The following PRR5L variants were observed in gnomAD, a reference collection of about 807,000 sequenced individuals.
The protein encoded by PRR5L is proline rich 5 like.
PRR5L carries 21 observed loss-of-function variants against 36.4 expected under a neutral mutation model. The observed-to-expected ratio is 0.58, with a 90% CI of 0.41 to 0.83. The LOEUF is 0.83. PRR5L is among the 40% of genes least tolerant of loss of function. The pLI is 0.00. For synonymous variants in PRR5L, 188 were observed against 197.0 expected, an observed-to-expected ratio of 0.95 and a Z score of 0.38; for missense variants, 381 against 473.3, an observed-to-expected ratio of 0.80 and a Z score of 1.81.
chr11:36,370,305 T>C (rs1488983313), intron 1 of PRR5L, among the ~76,000 whole-genome samples: 4 of 152,230 alleles, frequency 2.6e-5, no homozygotes, highest in Non-Finnish European at 5.9e-5. Context: ...AGTTATCTTC[T>C]ATGGAAGATC....
intron 1 of PRR5L, among the ~76,000 whole-genome samples, chr11:36,346,230 C>T (rs1250373264): frequency 6.6e-6 from 1 of 152,156 alleles, no homozygotes; most frequent in African/African-American, 2.4e-5. Context: ...CAGCCTCAGT[C>T]TCCTAAAGTG....
chr11:36,425,818 G>GA (rs5791106), intron 4 of PRR5L: 31,754 of 147,734 alleles, frequency 0.21, 3,433 homozygotes, highest in East Asian at 0.37. Flanking sequence ...AGTCATAGAG[G>GA]AAAAAAAAAA....
At chr11:36,309,118 G>A (rs889489955) in intron 1 of PRR5L, among the ~76,000 whole-genome samples, 3 of 152,216 alleles carry the variant, frequency 2.0e-5, no homozygotes, top group Non-Finnish European at 4.4e-5. Context: ...ATGTCTCATC[G>A]AAGCAGCTCC....
chr11:36,326,886 C>A (rs1856667876), intron 1 of PRR5L, among the ~76,000 whole-genome samples: 1 of 152,116 alleles, frequency 6.6e-6, no homozygotes. Context: ...GAAATAAAAC[C>A]CTTTTGTCTG....
At chr11:36,413,916 T>C (rs1191240494) in intron 3 of PRR5L, among the ~76,000 whole-genome samples, 12 of 133,194 alleles carry the variant, frequency 9.0e-5, no homozygotes, top group East Asian at 2.3e-4. Flanking sequence ...CCTGTGTCCA[T>C]GTGTTCTCAT....
rs1857282651 is a variant in PRR5L at position 36,377,286 on chromosome 11, A to C, written c.-125-23711A>C. ...GACTAGGGTGGGCCAGGGCCCAGCC[A>C]GTGGGGATCCCGCCGGGACGGGCTG... On this transcript the variant is annotated intron_variant, in intron 1 of 8. Transcript: ENST00000530639. The surrounding 1 kb of genome is among the most constrained non-coding windows in gnomAD (Gnocchi z 5.1). 6.6e-6 allele frequency among the ~76,000 whole-genome samples: 1 copy of C among 152,170 alleles called. No individual in the cohort carries two copies. Among genetic ancestry groups the C allele is most frequent in the African/African-American group, 2.4e-5 (1 of 41,452 alleles).
At chr11:36,451,154 G>A in intron 7 of PRR5L, 55 bp from the exon 8 acceptor site, 1 of 1,599,448 alleles carries the variant, frequency 6.3e-7, no homozygotes, top group Non-Finnish European at 8.5e-7. Context: ...GTGAGAACCT[G>A]CTGGTCATGG....
At chr11:36,360,052 CACACACACACATACACACACACCCA>C (rs1857069210) in intron 1 of PRR5L, among the ~76,000 whole-genome samples, 2 of 114,166 alleles carry the variant, frequency 1.8e-5, no homozygotes, top group Non-Finnish European at 3.6e-5. Context: ...CACACACACA[CACACACACACATACACACACACCCA>C]CACACACACA....
intron 4 of PRR5L, among the ~76,000 whole-genome samples, chr11:36,422,159 A>G (rs1185821049): frequency 2.0e-5 from 3 of 152,220 alleles, no homozygotes; most frequent in African/African-American, 4.8e-5. Flanking sequence ...GCCCATTACC[A>G]GGCACTGCTT....
chr11:36,320,409 A>G (rs1201195256), intron 1 of PRR5L, among the ~76,000 whole-genome samples: 2 of 39,686 alleles, frequency 5.0e-5, no homozygotes, highest in South Asian at 8.2e-4. Flanking sequence ...ACACGCAGCT[A>G]ATTTTTTTTT....
intron 5 of PRR5L, among the ~76,000 whole-genome samples, chr11:36,432,559 T>TG (rs1368816458): frequency 3.9e-5 from 6 of 152,292 alleles, no homozygotes; most frequent in Admixed American, 3.9e-4. Flanking sequence ...GATCTTAGCT[T>TG]GCCACCTCCT....
intron 1 of PRR5L, among the ~76,000 whole-genome samples, chr11:36,340,706 G>A (rs961689528): frequency 6.6e-6 from 1 of 152,162 alleles, no homozygotes; most frequent in Non-Finnish European, 1.5e-5. Flanking sequence ...GAGAGAAGCA[G>A]GGAGGAAACT....
chr11:36,398,215 C>G (rs1857710068), intron 1 of PRR5L, among the ~76,000 whole-genome samples: 1 of 152,238 alleles, frequency 6.6e-6, no homozygotes, highest in Non-Finnish European at 1.5e-5. Flanking sequence ...AGTCCTGGCT[C>G]TCTTCCTGCC....
intron 1 of PRR5L, among the ~76,000 whole-genome samples, chr11:36,386,764 A>G (rs1376678736): frequency 6.6e-6 from 1 of 152,244 alleles, no homozygotes; most frequent in Non-Finnish European, 1.5e-5. Flanking sequence ...CTTCATCTGC[A>G]AAATGAGCCT....
At chr11:36,429,939 A>C (rs1352771524) in intron 4 of PRR5L, among the ~76,000 whole-genome samples, 2 of 152,208 alleles carry the variant, frequency 1.3e-5, no homozygotes, top group Non-Finnish European at 2.9e-5. Flanking sequence ...GCCATGACCC[A>C]GCTGGGATTC....
At chr11:36,331,269 CTT>C (rs1366426239) in intron 1 of PRR5L, among the ~76,000 whole-genome samples, 1 of 152,160 alleles carries the variant, frequency 6.6e-6, no homozygotes, top group Non-Finnish European at 1.5e-5. Flanking sequence ...TAACATCTCT[CTT>C]TTTACAAGGC....
chr11:36,386,707 T>C (rs186337058), intron 1 of PRR5L: 2 of 152,394 alleles, frequency 1.3e-5, no homozygotes, highest in East Asian at 3.9e-4. Flanking sequence ...TTGGTTCCTC[T>C]TCCTAGTCTT....
At chr11:36,400,653 ATC>A (rs1335079809) in intron 1 of PRR5L, among the ~76,000 whole-genome samples, 1 of 152,202 alleles carries the variant, frequency 6.6e-6, no homozygotes, top group Non-Finnish European at 1.5e-5. Flanking sequence ...TTAAAAATCC[ATC>A]TCTTACTGCA....
intron 7 of PRR5L, among the ~76,000 whole-genome samples, chr11:36,449,606 GC>G (rs2133622445): frequency 6.6e-6 from 1 of 152,348 alleles, no homozygotes; most frequent in South Asian, 2.1e-4. Context: ...ATTCTCAGGG[GC>G]CCCAGCCAGG....
Sources: allele counts gnomAD v4.1 joint callset (sites outside exome capture counted in the v4.1 genomes callset), GRCh38; gene constraint gnomAD v4.1.1; non-coding constraint Gnocchi (gnomAD v3.1); transcripts MANE v1.5; gene names NCBI Gene and HGNC (gene_info 2026-07-23, HGNC 2026-07-21).